The following CCDC150 variants were observed in gnomAD, a reference collection of about 807,000 sequenced individuals.
CCDC150 encodes coiled-coil domain containing 150, also known as coiled-coil domain-containing protein 150.
CCDC150 carries 151 observed loss-of-function variants against 156.5 expected under a neutral mutation model. The ratio of observed to expected loss-of-function variants is 0.97; its 90% CI spans 0.85 to 1.10. The LOEUF (loss-of-function observed/expected upper bound fraction) is 1.10, where lower values mean the gene tolerates loss of function less well. CCDC150 is among the 50% of genes least tolerant of loss of function. The pLI is 0.00. For missense variants in CCDC150, 1,312 were observed against 1,268.1 expected, an observed-to-expected ratio of 1.03 and a Z score of -0.53; for synonymous variants, 452 against 429.4, an observed-to-expected ratio of 1.05 and a Z score of -0.65.
intron 15 of CCDC150, among the ~76,000 whole-genome samples, chr2:196,708,908 C>T (rs1424084273): frequency 1.3e-5 from 2 of 152,146 alleles, no homozygotes; most frequent in African/African-American, 2.4e-5. Context: ...GTGGGTAACC[C>T]GACCTTTCTC....
intron 16 of CCDC150, 25 bp downstream of exon 16, chr2:196,712,277 G>T: frequency 8.0e-7 from 1 of 1,243,626 alleles, no homozygotes; most frequent in Non-Finnish European, 1.1e-6. Context: ...TACAAAAGCG[G>T]ATTGCTGCTA....
At chr2:196,693,692 G>A (rs910000837) in intron 13 of CCDC150, among the ~76,000 whole-genome samples, 9 of 152,060 alleles carry the variant, frequency 5.9e-5, no homozygotes, top group African/African-American at 9.7e-5. Context: ...GAATAGGAGC[G>A]GTGAAAGTGG....
chr2:196,668,545 C>T (rs555331155), intron 7 of CCDC150, among the ~76,000 whole-genome samples: 165 of 152,156 alleles, frequency 1.1e-3, no homozygotes, highest in African/African-American at 3.7e-3. Flanking sequence ...GAAAAGGAAG[C>T]CTGTCTGAAT....
intron 1 of CCDC150, among the ~76,000 whole-genome samples, chr2:196,642,285 C>T (rs1362083728): frequency 6.6e-6 from 1 of 152,146 alleles, no homozygotes; most frequent in Non-Finnish European, 1.5e-5. Context: ...TCATGTAAGA[C>T]TGTGCTTCTT....
chr2:196,656,184 G>C (rs980525933), intron 2 of CCDC150, among the ~76,000 whole-genome samples: 3 of 152,126 alleles, frequency 2.0e-5, no homozygotes, highest in African/African-American at 7.2e-5. Flanking sequence ...CTAGAGGCAG[G>C]TGAATTAAAA....
intron 9 of CCDC150, among the ~76,000 whole-genome samples, chr2:196,673,438 C>T (rs1165359218): frequency 2.0e-5 from 3 of 152,184 alleles, no homozygotes; most frequent in African/African-American, 7.2e-5. Flanking sequence ...TGTACATCTG[C>T]ATCTGGTGTG....
intron 13 of CCDC150, among the ~76,000 whole-genome samples, chr2:196,682,103 G>A (rs956240608): frequency 1.3e-5 from 2 of 151,678 alleles, no homozygotes; most frequent in African/African-American, 4.8e-5. Context: ...ATTAATTTAG[G>A]TCTTTGATCC....
intron 17 of CCDC150, among the ~76,000 whole-genome samples, chr2:196,715,927 A>G (rs1205168204): frequency 1.3e-5 from 2 of 152,246 alleles, no homozygotes; most frequent in East Asian, 3.8e-4. Context: ...GACAAGCTAC[A>G]GACTGGGAGG....
intron 21 of CCDC150, among the ~76,000 whole-genome samples, chr2:196,722,691 A>G (rs1697990371): frequency 6.6e-6 from 1 of 152,192 alleles, no homozygotes; most frequent in Non-Finnish European, 1.5e-5. Flanking sequence ...TTCAGCTGAA[A>G]TGTTACTGCC....
chr2:196,666,550 G>A (rs183946182), intron 6 of CCDC150, among the ~76,000 whole-genome samples, 169 bp from the exon 7 acceptor site: 195 of 152,294 alleles, frequency 1.3e-3, no homozygotes, highest in Admixed American at 2.1e-3. Flanking sequence ...CTATTGGATG[G>A]CACTGCTCCA....
chr2:196,703,988 A>G (rs1308258401), intron 15 of CCDC150, among the ~76,000 whole-genome samples: 2 of 152,224 alleles, frequency 1.3e-5, no homozygotes, highest in South Asian at 4.1e-4. Flanking sequence ...GCCACATTCC[A>G]AAAGCACTGA....
chr2:196,721,754 C>G (rs1697928569), intron 21 of CCDC150, 63 bp downstream of exon 21: 2 of 1,300,208 alleles, frequency 1.5e-6, no homozygotes. Flanking sequence ...GTCACATTCC[C>G]ATAAATGGCT....
At chr2:196,639,878 T>A (rs1026873038) in intron 1 of CCDC150, 100 bp downstream of exon 1, 2 of 1,072,558 alleles carry the variant, frequency 1.9e-6, no homozygotes, top group African/African-American at 3.2e-5. Context: ...CCTCTCCCTG[T>A]CCTGACGGAG....
rs368594762 is a variant in CCDC150, at chr2:196,712,213, A to G, written c.1764A>G (p.Leu588=). Residue 588 remains leucine (L), a synonymous_variant, in exon 16 of 28, where the codon CTA becomes CTG. Transcript: ENST00000389175. ...ACACCAGCTTACAGAATGATCATCT[A>G]CGCAAGATGAATAAGTATTTACAGA... The part of the protein sequence containing the change: ...FTDTSLQNDH[L]RKMNKYLQTK... The G allele has an allele frequency of 1.3e-6, 2 of 1,576,124 alleles. No individual in the cohort carries two copies. Among genetic ancestry groups the G allele is most frequent in the Non-Finnish European group, 1.7e-6 (2 of 1,156,332 alleles).
chr2:196,654,325 C>A (rs1202611104), intron 2 of CCDC150, among the ~76,000 whole-genome samples: 1 of 151,412 alleles, frequency 6.6e-6, no homozygotes, highest in Admixed American at 6.6e-5. Context: ...ATTATTATTT[C>A]TTTGAATATG....
At chr2:196,707,378 GTCTATTTGATTCTTC>G (rs1390209105) in intron 15 of CCDC150, among the ~76,000 whole-genome samples, 1 of 151,910 alleles carries the variant, frequency 6.6e-6, no homozygotes, top group African/African-American at 2.4e-5. Context: ...TTTTTATTGT[GTCTATTTGATTCTTC>G]TCTATTTTTT....
At chr2:196,722,967 T>A (rs1467478658) in intron 21 of CCDC150, among the ~76,000 whole-genome samples, 1 of 152,196 alleles carries the variant, frequency 6.6e-6, no homozygotes, top group African/African-American at 2.4e-5. Context: ...GGATTTACCC[T>A]TATGCCACTG....
Position 196,719,575 on chromosome 2 carries a change from G to A in CCDC150, c.2074G>A (p.Ala692Thr). ...CACAATCATGTTGGAGAATGTGCTG[G>A]CTTCTCACAGTAAGATGCAAGGTGC... ...KVTIMLENVLASHSKMQGALE... is the reference protein window; with the variant it reads ...KVTIMLENVLTSHSKMQGALE... Residue 692 changes from alanine to threonine, a missense_variant, in exon 19 of 28, where the codon GCT becomes ACT. Transcript: ENST00000389175. 6.2e-7 allele frequency: 1 copy of A among 1,613,370 alleles called. No individual in the cohort carries two copies. The highest frequency in any genetic ancestry group is 8.5e-7 in the Non-Finnish European group (1 of 1,179,608).
chr2:196,704,879 C>G (rs552044610), intron 15 of CCDC150, among the ~76,000 whole-genome samples: 76 of 152,262 alleles, frequency 5.0e-4, no homozygotes, highest in African/African-American at 1.5e-3. Context: ...AGGACATGAA[C>G]TCATCATTTT....
Sources: gnomAD v4.1 joint callset for allele counts (sites outside exome capture counted in the v4.1 genomes callset) on GRCh38, gnomAD v4.1.1 for gene constraint, MANE v1.5 for transcripts, NCBI Gene and HGNC (gene_info 2026-07-23, HGNC 2026-07-21) for gene names.